DNM3: variants seen among roughly 807,000 people sequenced by gnomAD.
The protein encoded by DNM3 is dynamin-3.
Under a neutral mutation model 101.6 loss-of-function variants are expected in DNM3, and 47 were observed. That is an observed-to-expected ratio of 0.46 (90% CI 0.37 to 0.59). The LOEUF (loss-of-function observed/expected upper bound fraction) is 0.59. Ranked by LOEUF, DNM3 falls within the 20% of genes least tolerant of loss-of-function variation. The pLI is 0.00. For missense variants in DNM3, 849 were observed against 1,085.7 expected (o/e 0.78, Z 3.06); for synonymous variants, 385 against 387.9 (o/e 0.99, Z 0.09).
At chr1:171,862,074 A>G (rs991489625) in intron 1 of DNM3, among the ~76,000 whole-genome samples, 5 of 152,320 alleles carry the variant, frequency 3.3e-5, no homozygotes, top group African/African-American at 1.2e-4. Flanking sequence ...AAGGAGGGAT[A>G]CTAACAACTG....
At chr1:172,132,870 A>T (rs1394524027) in intron 14 of DNM3, 5 of 822,586 alleles carry the variant, frequency 6.1e-6, no homozygotes, top group Non-Finnish European at 1.0e-5. Context: ...TTTCTACAGG[A>T]CTATTTTCCT....
At chr1:172,185,322 A>G (rs1156242070) in intron 14 of DNM3, among the ~76,000 whole-genome samples, 1 of 152,108 alleles carries the variant, frequency 6.6e-6, no homozygotes, top group East Asian at 1.9e-4. Flanking sequence ...TTATTCTCTC[A>G]CTGGGGAGTA....
chr1:171,955,496 A>C (rs1233471628), intron 2 of DNM3, among the ~76,000 whole-genome samples: 1 of 152,186 alleles, frequency 6.6e-6, no homozygotes, highest in Non-Finnish European at 1.5e-5. Context: ...CCAGAAGGGG[A>C]GTCAAAGACT....
chr1:172,242,797 A>G (rs556390609), intron 14 of DNM3, among the ~76,000 whole-genome samples: 2 of 152,164 alleles, frequency 1.3e-5, no homozygotes, highest in African/African-American at 4.8e-5. Context: ...CCACAACCTC[A>G]CTACCATACC....
intron 13 of DNM3, chr1:172,093,602 T>G (rs1220301557): frequency 9.0e-7 from 1 of 1,114,858 alleles, no homozygotes; most frequent in Non-Finnish European, 1.3e-6. Flanking sequence ...TCTAGATTTT[T>G]TTCCCATTGT....
chr1:172,064,547 TAATGA>T (rs1388915777), intron 10 of DNM3, among the ~76,000 whole-genome samples: 5 of 152,260 alleles, frequency 3.3e-5, no homozygotes, highest in Admixed American at 1.3e-4. Flanking sequence ...TTAAATGAGA[TAATGA>T]AATGAGTGGT....
intron 14 of DNM3, among the ~76,000 whole-genome samples, chr1:172,223,179 C>G (rs368261946): frequency 6.6e-6 from 1 of 151,862 alleles, no homozygotes; most frequent in East Asian, 1.9e-4. Context: ...CTTATTCCTC[C>G]TGTCTAACTG....
intron 13 of DNM3, among the ~76,000 whole-genome samples, chr1:172,112,142 G>A (rs978462350): frequency 3.3e-5 from 5 of 152,050 alleles, no homozygotes; most frequent in Non-Finnish European, 4.4e-5. Flanking sequence ...TCTTCATTTC[G>A]ATGGATAATA....
At chr1:172,144,209 T>A (rs2057752722) in intron 14 of DNM3, among the ~76,000 whole-genome samples, 1 of 150,628 alleles carries the variant, frequency 6.6e-6, no homozygotes, top group African/African-American at 2.4e-5. Flanking sequence ...AAACAGTAAA[T>A]CGCTATATAC....
At position 171,947,082 on chromosome 1, in the gene DNM3, T is replaced by G. The variant is rs545655699; in HGVS notation, c.235+25261T>G. On this transcript the variant is annotated intron_variant, in intron 2 of 20. Coordinates refer to ENST00000627582, the MANE Select transcript of DNM3 (RefSeq NM_015569.5). Reference sequence around the variant, plus strand: ...CAATGCCCAATGCTAGGCAGTTTGGTGAACTGTCCGTTACATATTCATTTC... The same window carrying G: ...CAATGCCCAATGCTAGGCAGTTTGGGGAACTGTCCGTTACATATTCATTTC... Among the ~76,000 whole-genome samples, 16 of 152,292 alleles carry G rather than the reference T, an allele frequency of 1.1e-4. No homozygotes were observed. The South Asian group carries it at 3.3e-3, about 32-fold the overall frequency.
chr1:171,842,535 G>T (rs2031423842), intron 1 of DNM3, among the ~76,000 whole-genome samples: 2 of 152,170 alleles, frequency 1.3e-5, no homozygotes, highest in Admixed American at 6.5e-5. Flanking sequence ...AGAGCCCGAG[G>T]CACAGACTTG....
intron 2 of DNM3, among the ~76,000 whole-genome samples, chr1:171,947,168 C>A (rs1362601914): frequency 6.6e-6 from 1 of 152,144 alleles, no homozygotes; most frequent in Non-Finnish European, 1.5e-5. Context: ...ACAAGAGGAA[C>A]AGGGAACAGA....
chr1:172,011,553 A>C (rs1179561426), intron 4 of DNM3, among the ~76,000 whole-genome samples: 3 of 151,958 alleles, frequency 2.0e-5, no homozygotes, highest in Admixed American at 2.0e-4. Context: ...GAAAGTGAGT[A>C]ATGTCTGAAA....
At chr1:172,124,365 T>A (rs906101965) in intron 13 of DNM3, among the ~76,000 whole-genome samples, 1 of 152,212 alleles carries the variant, frequency 6.6e-6, no homozygotes, top group East Asian at 1.9e-4. Flanking sequence ...CATGGCCGTC[T>A]ATTGCAAAAT....
intron 2 of DNM3, among the ~76,000 whole-genome samples, chr1:171,950,311 C>A (rs7514595): frequency 6.6e-6 from 1 of 151,950 alleles, no homozygotes; most frequent in Non-Finnish European, 1.5e-5. Flanking sequence ...AATATGCATT[C>A]GGTAGAAACT....
intron 17 of DNM3, among the ~76,000 whole-genome samples, chr1:172,332,242 A>G (rs1356956861): frequency 2.6e-5 from 4 of 152,200 alleles, no homozygotes; most frequent in African/African-American, 9.6e-5. Context: ...TTCAAACTAC[A>G]AGATTTATTT....
At chr1:171,857,670 T>G (rs568160124) in intron 1 of DNM3, among the ~76,000 whole-genome samples, 4 of 152,306 alleles carry the variant, frequency 2.6e-5, no homozygotes, top group Admixed American at 2.6e-4. Context: ...AGCTTTTGCT[T>G]CTGGGACAGA....
At chr1:172,328,475 C>T (rs894861823) in intron 17 of DNM3, among the ~76,000 whole-genome samples, 4 of 152,132 alleles carry the variant, frequency 2.6e-5, no homozygotes, top group Non-Finnish European at 5.9e-5. Flanking sequence ...TCCTTCACAG[C>T]AACATGGATG....
intron 14 of DNM3, among the ~76,000 whole-genome samples, chr1:172,184,304 T>C (rs967179879): frequency 6.6e-6 from 1 of 152,060 alleles, no homozygotes; most frequent in African/African-American, 2.4e-5. Context: ...AAAATAAACA[T>C]GGAAAATATC....
Sources: gnomAD v4.1 joint callset for allele counts (sites outside exome capture counted in the v4.1 genomes callset) on GRCh38, gnomAD v4.1.1 for gene constraint, MANE v1.5 for transcripts, NCBI Gene and HGNC (gene_info 2026-07-23, HGNC 2026-07-21) for gene names.